TADA1: variants seen among roughly 807,000 people sequenced by gnomAD.
TADA1 encodes the protein transcriptional adaptor 1.
A neutral mutation model predicts 39.3 loss-of-function variants in TADA1; 23 were observed. That is an observed-to-expected ratio of 0.58 (90% CI 0.42 to 0.83). The LOEUF is 0.83. Among genes scored for constraint, TADA1 ranks in the 40% least tolerant of loss-of-function variants. TADA1 has a pLI of 0.00. For missense variants in TADA1, 352 were observed against 408.1 expected (o/e 0.86, Z 1.18); for synonymous variants, 137 against 151.8 (o/e 0.90, Z 0.72).
At chr1:166,857,794 A>C (rs1050462481) in intron 7 of TADA1, 75 bp from the exon 8 acceptor site, 3 of 1,498,730 alleles carry the variant, frequency 2.0e-6, no homozygotes, top group African/African-American at 2.8e-5. Context: ...AAGGGTTTAT[A>C]TCAACAAAAC....
At chr1:166,861,453 C>T (rs1388521715) in intron 5 of TADA1, among the ~76,000 whole-genome samples, 1 of 151,990 alleles carries the variant, frequency 6.6e-6, no homozygotes, top group African/African-American at 2.4e-5. Flanking sequence ...CATTATAGAC[C>T]CCATCAAATT....
rs564232364 is a variant in TADA1, at chr1:166,876,110, A to G, written c.74+50T>C. The stretch of plus-strand genomic sequence containing the variant: ...CGGGGCGGGCTGGCAGCCCGAGGCC[A>G]GGAGAGCACCCGCGTGTTGGCCTGG... On this transcript the variant is annotated intron_variant, in intron 1 of 7. Coordinates refer to ENST00000367874, the MANE Select transcript of TADA1 (RefSeq NM_053053.4). 5.7e-5 allele frequency: 87 copies of G among 1,530,070 alleles called. No individual in the cohort carries two copies. In the Admixed American group the frequency reaches 1.1e-3, roughly 19 times the overall value. 94.8% of individuals were successfully genotyped at this position (1,530,070 alleles called of 1,614,324 possible). A position where few individuals can be genotyped will look rare whatever the true frequency, so the allele number is the denominator to read the frequency against.
Position 166,869,013 on chromosome 1 carries a change from G to A in TADA1, c.232+432C>T, listed in dbSNP as rs534291967. ...AAACACTTTACTGATGTAGGAGCTG[G>A]CATCATAAGATGAAGATTATAGAGG... On this transcript the variant is annotated intron_variant, in intron 3 of 7. Transcript: ENST00000367874. The A allele has an allele frequency of 1.4e-5, 3 of 211,186 alleles. No homozygotes were observed. The South Asian group carries it at 2.6e-4, about 18-fold the overall frequency. The allele number at this position is 211,186 out of a possible 1,614,324, so 13.1% of individuals were successfully genotyped here. A position where few individuals can be genotyped will look rare whatever the true frequency, so the allele number is the denominator to read the frequency against.
At chr1:166,869,676 T>C in intron 2 of TADA1, 87 bp downstream of exon 2, 1 of 1,508,294 alleles carries the variant, frequency 6.6e-7, no homozygotes, top group Non-Finnish European at 9.1e-7. Flanking sequence ...AAAACCAAAA[T>C]TTTACTTTTT....
rs1000580079 is a variant in TADA1 at position 166,865,845 on chromosome 1, T to A, written c.233-1924A>T. ...AAAAAAAAAAGAAAACTCAAAAAAA[T>A]TTTTAAGAAAGAAAAAATCACCCAT... On this transcript the variant is annotated intron_variant, in intron 3 of 7. Coordinates refer to ENST00000367874, the MANE Select transcript of TADA1 (RefSeq NM_053053.4). 2.9e-4 allele frequency among the ~76,000 whole-genome samples: 44 copies of A among 151,708 alleles called. 1 individual carries two copies. The highest frequency in any genetic ancestry group is 1.0e-3 in the African/African-American group (43 of 41,266).
In TADA1 at chr1:166,858,141, T is replaced by G. The variant is rs944694873; in HGVS notation, c.833A>C (p.Tyr278Ser). The G allele has an allele frequency of 6.2e-7, 1 of 1,614,040 alleles. No homozygotes were observed. Among genetic ancestry groups the G allele is most frequent in the Non-Finnish European group, 8.5e-7 (1 of 1,180,028 alleles). Residue 278 changes from tyrosine to serine, a missense_variant, in exon 7 of 8, where the codon TAC (tyrosine) becomes TCC (serine). Physicochemically the swap from Tyr to Ser is moderately radical, Grantham distance 144. Coordinates refer to ENST00000367874, the MANE Select transcript of TADA1 (RefSeq NM_053053.4). ...LPASLPPVNM[Y>S]DLFEALQVHR... ...TACCTGCAAAGCTTCAAAAAGATCG[T>G]ACATGTTCACCGGAGGCAAAGATGC...
chr1:166,863,394 C>A (rs55737217), intron 4 of TADA1, among the ~76,000 whole-genome samples: 1 of 152,074 alleles, frequency 6.6e-6, no homozygotes, highest in Non-Finnish European at 1.5e-5. Flanking sequence ...AAAATGCTTA[C>A]AAATTTTATA....
intron 5 of TADA1, among the ~76,000 whole-genome samples, chr1:166,861,404 A>G (rs555957324): frequency 7.2e-5 from 11 of 152,358 alleles, no homozygotes; most frequent in African/African-American, 2.6e-4. Flanking sequence ...AATAGGGCTC[A>G]GAGAATTGAA....
At chr1:166,875,480 A>G (rs1194889711) in intron 1 of TADA1, among the ~76,000 whole-genome samples, 1 of 152,228 alleles carries the variant, frequency 6.6e-6, no homozygotes, top group Non-Finnish European at 1.5e-5. Flanking sequence ...TTGAAGAGTT[A>G]CTTGTCCGCA....
intron 6 of TADA1, among the ~76,000 whole-genome samples, chr1:166,859,407 A>C (rs1658359761): frequency 6.6e-6 from 1 of 152,200 alleles, no homozygotes; most frequent in African/African-American, 2.4e-5. Context: ...CCAGCAAATC[A>C]CAAGAAATTC....
Position 166,869,025 on chromosome 1 carries a change from GA to G in TADA1, c.232+419del, listed in dbSNP as rs1330953107. On this transcript the variant is annotated intron_variant, in intron 3 of 7. Coordinates refer to ENST00000367874, the MANE Select transcript of TADA1 (RefSeq NM_053053.4). ...GATGTAGGAGCTGGCATCATAAGAT[GA>G]AGATTATAGAGGAAGTGTTGGTGTT... The G allele has an allele frequency of 1.4e-5, 3 of 214,630 alleles. No homozygotes were observed. The Admixed American group carries it at 1.4e-4, about 10-fold the overall frequency. The allele number at this position is 214,630 out of a possible 1,614,324, so 13.3% of individuals were successfully genotyped here. A position where few individuals can be genotyped will look rare whatever the true frequency, so the allele number is the denominator to read the frequency against.
chr1:166,873,676 A>G (rs914733546), intron 1 of TADA1, among the ~76,000 whole-genome samples: 2 of 152,222 alleles, frequency 1.3e-5, no homozygotes, highest in African/African-American at 2.4e-5. Context: ...GAATGGAAAA[A>G]CAAATTTAGA....
At chr1:166,864,524 G>A (rs1263519040) in intron 3 of TADA1, among the ~76,000 whole-genome samples, 1 of 152,148 alleles carries the variant, frequency 6.6e-6, no homozygotes, top group African/African-American at 2.4e-5. Context: ...GTGAGTGAGT[G>A]GAAACCAGGA....
rs868189575 is a variant in TADA1, at chr1:166,857,364, C to A, written c.*203G>T. On this transcript the variant is annotated 3_prime_UTR_variant, in exon 8 of 8. Coordinates refer to ENST00000367874, the MANE Select transcript of TADA1 (RefSeq NM_053053.4). The stretch of plus-strand genomic sequence containing the variant: ...GTGCCTGCTCCCACAACTGGGAACA[C>A]ATACATATAGAGATATGGGTCATTA... 7.1e-6 allele frequency: 4 copies of A among 567,360 alleles called. No homozygotes were observed. In the South Asian group the frequency reaches 1.1e-4, roughly 15 times the overall value. The allele number at this position is 567,360 out of a possible 1,614,324, so 35.1% of individuals were successfully genotyped here.
rs367923603 is a variant in TADA1 at position 166,860,279 on chromosome 1, C to T, written c.599G>A (p.Arg200Gln). 23 of 1,613,884 alleles carry T rather than the reference C, an allele frequency of 1.4e-5. No homozygotes were observed. The highest frequency in any genetic ancestry group is 4.4e-5 in the South Asian group (4 of 91,062). The change falls in exon 6 of 8, where the codon CGA (arginine) becomes CAA (glutamine). Residue 200 changes from arginine to glutamine, a missense_variant. Physicochemically the swap from Arg to Gln is conservative, Grantham distance 43. This residue lies in a region of TADA1 where 285 missense variants were observed against 310.9 expected (regional missense o/e 0.92). Coordinates refer to ENST00000367874, the MANE Select transcript of TADA1 (RefSeq NM_053053.4). Reference sequence around the variant, plus strand: ...AAAGGCATATTTAAAATGACCATCTCGTAACCGATAAGCTTTCCTTCTTGA... The same window carrying T: ...AAAGGCATATTTAAAATGACCATCTTGTAACCGATAAGCTTTCCTTCTTGA... Reference protein sequence around the residue: ...VVSRRKAYRLRDGHFKYAFGS... With the variant: ...VVSRRKAYRLQDGHFKYAFGS...
rs756153342 is a variant in TADA1 at position 166,863,816 on chromosome 1, C to T, written c.330+8G>A. ...GTCATTATCAAGACCTATTAAAGAA[C>T]AACCTACATCAAATTTCTGACGAAC... is the stretch of plus-strand genomic sequence containing the variant. On this transcript the variant is annotated splice_region_variant and intron_variant, in intron 4 of 7. Coordinates refer to ENST00000367874, the MANE Select transcript of TADA1 (RefSeq NM_053053.4). 4 of 1,611,980 alleles carry T rather than the reference C, an allele frequency of 2.5e-6. No homozygotes were observed. The South Asian group carries it at 4.4e-5, about 18-fold the overall frequency.
intron 4 of TADA1, chr1:166,862,642 T>C: frequency 1.8e-6 from 1 of 564,492 alleles, no homozygotes; most frequent in Non-Finnish European, 3.2e-6. Context: ...TGCGTAGTAG[T>C]TTATTCTATT....
rs188109696 is a variant in TADA1, at chr1:166,860,063, T to C, written c.692+123A>G. 2.6e-5 allele frequency: 24 copies of C among 927,820 alleles called. No homozygotes were observed. The African/African-American group carries it at 3.8e-4, about 15-fold the overall frequency. The allele number at this position is 927,820 out of a possible 1,614,324, so 57.5% of individuals were successfully genotyped here. On this transcript the variant is annotated intron_variant, in intron 6 of 7. Coordinates refer to ENST00000367874, the MANE Select transcript of TADA1 (RefSeq NM_053053.4). ...AAGTATAGGACTTTAAAAAATAAAA[T>C]TGTACTCCTATTAAAGGTACTTAAA...
intron 1 of TADA1, among the ~76,000 whole-genome samples, chr1:166,875,928 G>C (rs1467155979): frequency 6.6e-6 from 1 of 152,120 alleles, no homozygotes; most frequent in Non-Finnish European, 1.5e-5. Context: ...ACAGTCCCGA[G>C]CAACGGCGCC....
Sources: allele counts gnomAD v4.1 joint callset (sites outside exome capture counted in the v4.1 genomes callset), GRCh38; gene constraint gnomAD v4.1.1; regional missense constraint gnomAD v4.1.1; transcripts MANE v1.5; gene names NCBI Gene and HGNC (gene_info 2026-07-23, HGNC 2026-07-21).